DACH1: variants seen among roughly 807,000 people sequenced by gnomAD.
The protein encoded by DACH1 is dachshund family transcription factor 1.
A neutral mutation model predicts 54.2 loss-of-function variants in DACH1; 12 were observed. The observed-to-expected ratio is 0.22, with a 90% CI of 0.14 to 0.36. DACH1 has a LOEUF of 0.36. Among genes scored for constraint, DACH1 ranks in the 10% least tolerant of loss-of-function variants. The pLI, the probability that DACH1 is intolerant of heterozygous loss-of-function variation, is 1.00. For synonymous variants in DACH1, 386 were observed against 366.2 expected (o/e 1.05, Z -0.62); for missense variants, 805 against 929.8 (o/e 0.87, Z 1.75).
intron 1 of DACH1, among the ~76,000 whole-genome samples, chr13:71,791,651 T>C (rs1183562262): frequency 6.6e-6 from 1 of 152,216 alleles, no homozygotes; most frequent in African/African-American, 2.4e-5. Context: ...CCCAAAGTGC[T>C]GGGATTATAG....
chr13:71,593,447 TA>T (rs1160547696), intron 3 of DACH1, among the ~76,000 whole-genome samples: 7 of 150,964 alleles, frequency 4.6e-5, no homozygotes, highest in East Asian at 1.9e-4. Flanking sequence ...ATGACTTAGC[TA>T]ATATGTTTTA....
chr13:71,707,576 C>T (rs1335053606), intron 1 of DACH1, among the ~76,000 whole-genome samples: 1 of 152,054 alleles, frequency 6.6e-6, no homozygotes, highest in Non-Finnish European at 1.5e-5. Context: ...AAAGGCATGA[C>T]ATAATATTTG....
chr13:71,822,831 C>A (rs1313973203), intron 1 of DACH1, among the ~76,000 whole-genome samples: 1 of 151,936 alleles, frequency 6.6e-6, no homozygotes, highest in Non-Finnish European at 1.5e-5. Flanking sequence ...AAACAAGAAA[C>A]AAAACATCTC....
At chr13:71,569,475 T>C (rs1885075828) in intron 4 of DACH1, among the ~76,000 whole-genome samples, 1 of 152,126 alleles carries the variant, frequency 6.6e-6, no homozygotes, top group Non-Finnish European at 1.5e-5. Context: ...TTTCTTTTTA[T>C]TTTTTTCCAA....
At chr13:71,794,412 C>T (rs1886959096) in intron 1 of DACH1, among the ~76,000 whole-genome samples, 1 of 152,122 alleles carries the variant, frequency 6.6e-6, no homozygotes, top group Non-Finnish European at 1.5e-5. Flanking sequence ...CCACTAATCT[C>T]CTTTAAAAAT....
Position 71,583,244 on chromosome 13 carries a change from T to C in DACH1, c.1127-10232A>G, listed in dbSNP as rs1028626207. ...TCTGACTCGAGTGCTAAACACAGGT[T>C]TAAGTTTAGAAAAGACAACAACTCA... On this transcript the variant is annotated intron_variant, in intron 3 of 10. Coordinates refer to ENST00000613252, the MANE Select transcript of DACH1 (RefSeq NM_080759.6). Among the ~76,000 whole-genome samples, 9 of 152,126 alleles carry C rather than the reference T, an allele frequency of 5.9e-5. No individual in the cohort carries two copies. The East Asian group carries it at 1.7e-3, about 29-fold the overall frequency.
chr13:71,657,044 G>T (rs972623253), intron 2 of DACH1, among the ~76,000 whole-genome samples: 1 of 147,640 alleles, frequency 6.8e-6, no homozygotes, highest in Non-Finnish European at 1.5e-5. Context: ...ACATAAACAT[G>T]TGTGTGTGTG....
chr13:71,509,254 T>C (rs1390848392), intron 6 of DACH1, among the ~76,000 whole-genome samples: 1 of 149,756 alleles, frequency 6.7e-6, no homozygotes, highest in Non-Finnish European at 1.5e-5. Flanking sequence ...TCTCTACTAA[T>C]CTTATCAACT....
chr13:71,594,555 T>C (rs1873958975), intron 3 of DACH1, among the ~76,000 whole-genome samples: 4 of 152,290 alleles, frequency 2.6e-5, no homozygotes, highest in South Asian at 2.1e-4. Flanking sequence ...TAAGCAGTTA[T>C]AGTAACATAA....
chr13:71,477,223 C>G (rs1368205766), intron 8 of DACH1, among the ~76,000 whole-genome samples: 8 of 147,956 alleles, frequency 5.4e-5, no homozygotes, highest in Admixed American at 4.8e-4. Context: ...CAGGTTCACG[C>G]CATTCTCCTG....
intron 1 of DACH1, among the ~76,000 whole-genome samples, chr13:71,779,199 ATATATGTGTATATATATACG>A (rs1886227167): frequency 8.5e-6 from 1 of 118,214 alleles, no homozygotes; most frequent in Non-Finnish European, 1.7e-5. Flanking sequence ...GTATATACGT[ATATATGTGTATATATATACG>A]TATATACGTA....
rs1874735209 is a variant in DACH1 at position 71,866,061 on chromosome 13, C to T, written c.709G>A (p.Glu237Lys). 5.0e-6 allele frequency: 8 copies of T among 1,613,752 alleles called. No individual in the cohort carries two copies. Among genetic ancestry groups the T allele is most frequent in the East Asian group, 2.2e-5 (1 of 44,760 alleles). The change falls in exon 1 of 11, where the codon GAG (glutamate) becomes AAG (lysine). Residue 237 changes from glutamate to lysine, a missense_variant. Glu to Lys is a moderately conservative substitution (Grantham distance 56). Transcript: ENST00000613252. ...HTVYTKLKRL[E>K]ITPVVCNVEQ... The stretch of plus-strand genomic sequence containing the variant: ...ACATTGCACACCACCGGCGTGATCT[C>T]CAGCCGCTTCAGCTTGGTGTAGACC...
chr13:71,508,392 A>G (rs533079450), intron 6 of DACH1, among the ~76,000 whole-genome samples: 6 of 152,320 alleles, frequency 3.9e-5, no homozygotes, highest in African/African-American at 1.4e-4. Context: ...TGAAAACAAA[A>G]GAATAACTTG....
intron 1 of DACH1, among the ~76,000 whole-genome samples, chr13:71,694,103 C>T (rs1035767138): frequency 1.3e-5 from 2 of 152,120 alleles, no homozygotes; most frequent in African/African-American, 4.8e-5. Flanking sequence ...CTGACGCAAC[C>T]TAAAATGCAT....
chr13:71,860,221 T>TACACAC (rs141566720), intron 1 of DACH1, among the ~76,000 whole-genome samples: 14 of 148,932 alleles, frequency 9.4e-5, no homozygotes, highest in Middle Eastern at 3.5e-3. Context: ...CATACGTATG[T>TACACAC]ACACACACAC....
rs1887951498 is a variant in DACH1 at position 71,816,622 on chromosome 13, G to GTGTGTATATATATACACGTA, written c.848+49299_848+49300insTACGTGTATATATATACACA. 1.1e-3 allele frequency among the ~76,000 whole-genome samples: 83 copies of GTGTGTATATATATACACGTA among 75,314 alleles called. 4 individuals carry two copies. Among genetic ancestry groups the GTGTGTATATATATACACGTA allele is most frequent in the Admixed American group, 1.9e-3 (13 of 6,806 alleles). The allele number at this position is 75,314 out of a possible 152,430, so 49.4% of individuals were successfully genotyped here. ...CATATGTGTGTATATATATACACGT[G>GTGTGTATATATATACACGTA]TATATATACACACACATATGTGTGT... On this transcript the variant is annotated intron_variant, in intron 1 of 10. Coordinates refer to ENST00000613252, the MANE Select transcript of DACH1 (RefSeq NM_080759.6).
chr13:71,657,424 C>G (rs1405916440), intron 2 of DACH1, among the ~76,000 whole-genome samples: 4 of 151,798 alleles, frequency 2.6e-5, no homozygotes, highest in Non-Finnish European at 4.4e-5. Context: ...CCCAAAAGGT[C>G]AGGAGGTTGA....
intron 3 of DACH1, among the ~76,000 whole-genome samples, chr13:71,582,343 A>G (rs1025634810): frequency 2.0e-5 from 3 of 152,140 alleles, no homozygotes; most frequent in African/African-American, 7.2e-5. Flanking sequence ...AAGATAATCA[A>G]TACGAATACA....
At chr13:71,669,183 G>A (rs1199009036) in intron 2 of DACH1, among the ~76,000 whole-genome samples, 1 of 152,076 alleles carries the variant, frequency 6.6e-6, no homozygotes, top group Non-Finnish European at 1.5e-5. Flanking sequence ...CAAACTCCAG[G>A]CCACAGACCA....
Sources: gnomAD v4.1 joint callset for allele counts (sites outside exome capture counted in the v4.1 genomes callset) on GRCh38, gnomAD v4.1.1 for gene constraint, MANE v1.5 for transcripts, NCBI Gene and HGNC (gene_info 2026-07-23, HGNC 2026-07-21) for gene names.